Variants in PPTC7 observed in about 807,000 individuals in gnomAD.
PPTC7 encodes the protein protein phosphatase targeting COQ7.
A neutral mutation model predicts 30.8 loss-of-function variants in PPTC7; 6 were observed. That is an observed-to-expected ratio of 0.19 (90% CI 0.11 to 0.38). The LOEUF (loss-of-function observed/expected upper bound fraction) is 0.38, where lower values mean the gene tolerates loss of function less well. Ranked by LOEUF, PPTC7 falls within the 10% of genes least tolerant of loss-of-function variation. The probability of loss-of-function intolerance (pLI) is 1.00; values close to 1 mark genes in which losing one functional copy is unlikely to be tolerated. For synonymous variants in PPTC7, 163 were observed against 168.1 expected (o/e 0.97, Z 0.23); for missense variants, 218 against 404.8 (o/e 0.54, Z 3.96).
At chr12:110,542,390 G>A (rs958426931) in intron 3 of PPTC7, among the ~76,000 whole-genome samples, 13 of 151,672 alleles carry the variant, frequency 8.6e-5, no homozygotes, top group Non-Finnish European at 1.0e-4. Context: ...GCTCATAGCG[G>A]GCTGTGGGTG....
intron 1 of PPTC7, among the ~76,000 whole-genome samples, chr12:110,563,868 T>C (rs1432026486): frequency 6.6e-6 from 1 of 152,256 alleles, no homozygotes. Flanking sequence ...GCAGTTGCCT[T>C]GTCTTAAAAA....
In PPTC7 at chr12:110,535,741, A is replaced by C. The variant is rs1189675018; in HGVS notation, c.*1296T>G. On this transcript the variant is annotated 3_prime_UTR_variant, in exon 6 of 6. Transcript: ENST00000354300. ...GTTAATGAAGGAAAAAAACTGACCC[A>C]AAAATATATATCTTTACAGCAGTCA... 2.0e-5 allele frequency: 3 copies of C among 152,768 alleles called. No individual in the cohort carries two copies. The highest frequency in any genetic ancestry group is 3.9e-4 in the East Asian group (2 of 5,190). The allele number at this position is 152,768 out of a possible 1,614,324, so 9.5% of individuals were successfully genotyped here. A position where few individuals can be genotyped will look rare whatever the true frequency, so the allele number is the denominator to read the frequency against.
chr12:110,551,077 G>A (rs548875619), intron 2 of PPTC7, among the ~76,000 whole-genome samples: 15 of 152,138 alleles, frequency 9.9e-5, no homozygotes, highest in African/African-American at 2.9e-4. Flanking sequence ...GCTTTAAGTC[G>A]TTTCTTTTCA....
At chr12:110,581,418 A>G (rs1455781544) in intron 1 of PPTC7, among the ~76,000 whole-genome samples, 1 of 152,046 alleles carries the variant, frequency 6.6e-6, no homozygotes, top group Non-Finnish European at 1.5e-5. Flanking sequence ...CGTCTGAAAA[A>G]AAAAAACGCA....
chr12:110,547,050 G>C (rs1055449272), intron 2 of PPTC7, among the ~76,000 whole-genome samples: 2 of 152,052 alleles, frequency 1.3e-5, no homozygotes, highest in East Asian at 3.8e-4. Context: ...AAGATAGCCC[G>C]GAAAAATGTA....
rs1162864519 is a variant in PPTC7, at chr12:110,535,659, T to C, written c.*1378A>G. Reference sequence around the variant, plus strand: ...ATACACCAATGTTACCTGACTTATATATAAAACATGGCTTTAATTTAAGGA... The same window carrying C: ...ATACACCAATGTTACCTGACTTATACATAAAACATGGCTTTAATTTAAGGA... On this transcript the variant is annotated 3_prime_UTR_variant, in exon 6 of 6. Transcript: ENST00000354300. The C allele has an allele frequency of 1.3e-5, 2 of 152,584 alleles. No homozygotes were observed. Among genetic ancestry groups the C allele is most frequent in the South Asian group, 2.1e-4 (1 of 4,838 alleles). 9.5% of individuals were successfully genotyped at this position (152,584 alleles called of 1,614,324 possible). A position where few individuals can be genotyped will look rare whatever the true frequency, so the allele number is the denominator to read the frequency against.
chr12:110,576,636 G>A (rs2064591318), intron 1 of PPTC7, among the ~76,000 whole-genome samples: 1 of 152,062 alleles, frequency 6.6e-6, no homozygotes, highest in African/African-American at 2.4e-5. Flanking sequence ...CATATTACAC[G>A]ATCCATTTGT....
chr12:110,551,655 A>G, intron 2 of PPTC7, 134 bp downstream of exon 2: 1 of 824,890 alleles, frequency 1.2e-6, no homozygotes, highest in Non-Finnish European at 1.9e-6. Flanking sequence ...CGGTTAGCCT[A>G]TAGTTTCTCT....
intron 1 of PPTC7, among the ~76,000 whole-genome samples, chr12:110,572,294 A>C (rs2064542930): frequency 1.3e-5 from 2 of 152,146 alleles, no homozygotes. Context: ...AAATACAAAA[A>C]TTAGCCGGGT....
chr12:110,576,493 G>T (rs2064590042), intron 1 of PPTC7, among the ~76,000 whole-genome samples: 1 of 152,144 alleles, frequency 6.6e-6, no homozygotes, highest in South Asian at 2.1e-4. Flanking sequence ...CAGATGAATG[G>T]ATCAACAAAA....
chr12:110,554,958 G>C (rs936213700), intron 1 of PPTC7, among the ~76,000 whole-genome samples: 1 of 152,144 alleles, frequency 6.6e-6, no homozygotes, highest in African/African-American at 2.4e-5. Flanking sequence ...TGTATCATAT[G>C]ATTTTTTAAA....
At chr12:110,544,617 C>T (rs1017932831) in intron 3 of PPTC7, among the ~76,000 whole-genome samples, 2 of 152,100 alleles carry the variant, frequency 1.3e-5, no homozygotes, top group Non-Finnish European at 2.9e-5. Flanking sequence ...GGGTGGATCA[C>T]GAGGTCAGGA....
At chr12:110,568,121 G>A (rs1389842462) in intron 1 of PPTC7, among the ~76,000 whole-genome samples, 2 of 151,862 alleles carry the variant, frequency 1.3e-5, no homozygotes, top group Non-Finnish European at 2.9e-5. Flanking sequence ...CCATGAAACA[G>A]CTGTAGTTTT....
At chr12:110,555,131 T>C (rs2064376037) in intron 1 of PPTC7, among the ~76,000 whole-genome samples, 1 of 152,192 alleles carries the variant, frequency 6.6e-6, no homozygotes, top group Non-Finnish European at 1.5e-5. Flanking sequence ...ATTGGACATG[T>C]GAAACTATTT....
intron 1 of PPTC7, among the ~76,000 whole-genome samples, chr12:110,560,817 T>G (rs1205681907): frequency 6.6e-6 from 1 of 152,234 alleles, no homozygotes; most frequent in African/African-American, 2.4e-5. Flanking sequence ...AGGTAATAGC[T>G]TTATTCCTTG....
intron 1 of PPTC7, among the ~76,000 whole-genome samples, chr12:110,553,158 G>A (rs896404630): frequency 6.8e-6 from 1 of 147,872 alleles, no homozygotes; most frequent in Non-Finnish European, 1.5e-5. Flanking sequence ...ATCCCACCCT[G>A]GGCAACAAGA....
At chr12:110,582,466 TGTCGCCCAGGGAGGGGACGAG>T (rs1207656715) in intron 1 of PPTC7, among the ~76,000 whole-genome samples, 2 of 152,052 alleles carry the variant, frequency 1.3e-5, no homozygotes, top group African/African-American at 4.8e-5. Context: ...AGCCTGCAGG[TGTCGCCCAGGGAGGGGACGAG>T]GTCGCCCAGG....
rs564616474 is a variant in PPTC7, at chr12:110,552,052, A to T, written c.224-84T>A. The stretch of plus-strand genomic sequence containing the variant: ...TTACCTCTGTTTTCTCCTAACAGTT[A>T]ATTTCACTACATGCTACTACATACA... On this transcript the variant is annotated intron_variant, in intron 1 of 5. Coordinates refer to ENST00000354300, the MANE Select transcript of PPTC7 (RefSeq NM_139283.2). 1.1e-4 allele frequency: 125 copies of T among 1,108,086 alleles called. 1 individual carries two copies. The African/African-American group carries it at 1.5e-3, about 14-fold the overall frequency. 68.6% of individuals were successfully genotyped at this position (1,108,086 alleles called of 1,614,324 possible).
Position 110,573,981 on chromosome 12 carries a change from C to CTAAA in PPTC7, c.223+8824_223+8827dup, listed in dbSNP as rs542793137. ...GGGCAACAAGAGCAAAACTCTGTCT[C>CTAAA]TAAATAAATAAATAAATAAATAAAG... On this transcript the variant is annotated intron_variant, in intron 1 of 5. Coordinates refer to ENST00000354300, the MANE Select transcript of PPTC7 (RefSeq NM_139283.2). Among the ~76,000 whole-genome samples, 1,295 of 149,952 alleles carry CTAAA rather than the reference C, an allele frequency of 8.6e-3. 5 individuals are homozygous for CTAAA. The highest frequency in any genetic ancestry group is 0.012 in the Non-Finnish European group (839 of 67,492).
Sources: allele counts gnomAD v4.1 joint callset (sites outside exome capture counted in the v4.1 genomes callset), GRCh38; gene constraint gnomAD v4.1.1; transcripts MANE v1.5; gene names NCBI Gene and HGNC (gene_info 2026-07-23, HGNC 2026-07-21).